LCOR: variants seen among roughly 807,000 people sequenced by gnomAD.
The protein encoded by LCOR is ligand dependent nuclear receptor corepressor.
Under a neutral mutation model 64.4 loss-of-function variants are expected in LCOR, and 14 were observed. The observed-to-expected ratio is 0.22, with a 90% confidence interval of 0.14 to 0.34. The LOEUF is 0.34. LCOR is among the 10% of genes least tolerant of loss of function. The pLI is 1.00. For missense variants in LCOR, 1,686 were observed against 1,765.3 expected, an observed-to-expected ratio of 0.96 and a Z score of 0.80; for synonymous variants, 643 against 642.5, an observed-to-expected ratio of 1.00 and a Z score of -0.01.
rs67974828 is a variant in LCOR at position 96,849,061 on chromosome 10, C to CTTTT, written c.-330+15609_-330+15612dup. ...TCCTCTCTGTCACCTGGCTAATTGT[C>CTTTT]TTTTTTTTTTTTTTTTTTTTTTTTT... On this transcript the variant is annotated intron_variant, in intron 2 of 7. Transcript: ENST00000421806. 1.2e-3 allele frequency among the ~76,000 whole-genome samples: 40 copies of CTTTT among 33,842 alleles called. 1 individual carries two copies. Among genetic ancestry groups the CTTTT allele is most frequent in the Admixed American group, 1.8e-3 (3 of 1,686 alleles). The allele number at this position is 33,842 out of a possible 152,430, so 22.2% of individuals were successfully genotyped here. A position where few individuals can be genotyped will look rare whatever the true frequency, so the allele number is the denominator to read the frequency against.
chr10:96,892,113 C>T (rs560834755), intron 2 of LCOR, among the ~76,000 whole-genome samples: 58 of 152,020 alleles, frequency 3.8e-4, no homozygotes, highest in Non-Finnish European at 3.2e-4. Flanking sequence ...GGTCTAGTTG[C>T]CTAACGGTGT....
rs1330348530 is a variant in LCOR at position 96,924,534 on chromosome 10, G to A, written c.-184+16787G>A. Among the ~76,000 whole-genome samples the A allele has an allele frequency of 2.6e-5, 4 of 151,800 alleles. No individual in the cohort carries two copies. In the East Asian group the frequency reaches 7.7e-4, roughly 29 times the overall value. ...TGGGATTATAGATGTGAGCTACTGC[G>A]CCCAGCCACATTAAAAAATTTTTTA... On this transcript the variant is annotated intron_variant, in intron 4 of 7. Coordinates refer to ENST00000421806, the MANE Select transcript of LCOR (RefSeq NM_001346516.2).
At chr10:96,911,861 A>G (rs1846842551) in intron 4 of LCOR, among the ~76,000 whole-genome samples, 1 of 152,206 alleles carries the variant, frequency 6.6e-6, no homozygotes, top group African/African-American at 2.4e-5. Context: ...GGAAAATTAT[A>G]ATAGCTGTTT....
intron 2 of LCOR, among the ~76,000 whole-genome samples, chr10:96,849,926 G>C (rs933977662): frequency 6.9e-6 from 1 of 144,796 alleles, no homozygotes; most frequent in Non-Finnish European, 1.5e-5. Context: ...GGAATTGTCA[G>C]AAAGTCCTGC....
chr10:96,849,597 G>A (rs754337114), intron 2 of LCOR, among the ~76,000 whole-genome samples: 5 of 152,140 alleles, frequency 3.3e-5, no homozygotes, highest in African/African-American at 4.8e-5. Flanking sequence ...ACCATAAGTG[G>A]ATAATTACAC....
intron 2 of LCOR, among the ~76,000 whole-genome samples, chr10:96,840,086 C>G (rs887932376): frequency 3.3e-5 from 5 of 152,172 alleles, no homozygotes; most frequent in Admixed American, 6.6e-5. Flanking sequence ...TAGGTTTGGT[C>G]TGTTACAAAG....
intron 2 of LCOR, among the ~76,000 whole-genome samples, chr10:96,856,281 CTCGAAA>C (rs1845802977): frequency 6.6e-6 from 1 of 152,174 alleles, no homozygotes; most frequent in Admixed American, 6.5e-5. Flanking sequence ...CCAGGCTGGT[CTCGAAA>C]TCCTGACCTT....
intron 2 of LCOR, among the ~76,000 whole-genome samples, chr10:96,878,039 G>T (rs1460362086): frequency 1.3e-5 from 2 of 151,884 alleles, no homozygotes; most frequent in Non-Finnish European, 2.9e-5. Flanking sequence ...ATGAGAGAGA[G>T]TACTATTTTG....
intron 2 of LCOR, among the ~76,000 whole-genome samples, chr10:96,846,015 T>G (rs113773152): frequency 0.036 from 5,549 of 152,100 alleles, 138 homozygotes; most frequent in Non-Finnish European, 0.045. Context: ...GAGACCAGCC[T>G]GGCCAACATG....
chr10:96,919,176 AG>A (rs1195667430), intron 4 of LCOR, among the ~76,000 whole-genome samples: 1 of 152,216 alleles, frequency 6.6e-6, no homozygotes, highest in East Asian at 1.9e-4. Flanking sequence ...GGAGATTCTT[AG>A]AATTAATCAG....
intron 4 of LCOR, among the ~76,000 whole-genome samples, chr10:96,934,498 C>A (rs1847314509): frequency 6.6e-6 from 1 of 152,166 alleles, no homozygotes; most frequent in South Asian, 2.1e-4. Context: ...ATAACAGAGC[C>A]ACTTCTGCCT....
chr10:96,956,094 T>A (rs1392344492), intron 7 of LCOR: 1 of 1,427,446 alleles, frequency 7.0e-7, no homozygotes, highest in Admixed American at 2.9e-5. Flanking sequence ...TTGCATATTT[T>A]AAATTTTTCA....
chr10:96,858,336 G>T (rs1299865513), intron 2 of LCOR, among the ~76,000 whole-genome samples: 2 of 152,212 alleles, frequency 1.3e-5, no homozygotes, highest in Non-Finnish European at 2.9e-5. Context: ...AATGGATTAA[G>T]TAAAGGTCTG....
chr10:96,904,656 T>C (rs1405635855), intron 2 of LCOR, among the ~76,000 whole-genome samples: 1 of 152,246 alleles, frequency 6.6e-6, no homozygotes, highest in Non-Finnish European at 1.5e-5. Flanking sequence ...AAAGGTAGTT[T>C]TTAAGCCTTA....
chr10:96,914,491 C>T (rs1846903654), intron 4 of LCOR, among the ~76,000 whole-genome samples: 1 of 152,258 alleles, frequency 6.6e-6, no homozygotes. Context: ...GCCACCGCGC[C>T]TGGCCTTTAT....
chr10:96,850,171 A>G (rs1037150047), intron 2 of LCOR, among the ~76,000 whole-genome samples: 4 of 152,206 alleles, frequency 2.6e-5, no homozygotes, highest in Non-Finnish European at 5.9e-5. Flanking sequence ...ATGAAGCTGA[A>G]AATGACCTTG....
At chr10:96,854,546 C>T (rs568045776) in intron 2 of LCOR, among the ~76,000 whole-genome samples, 6 of 152,208 alleles carry the variant, frequency 3.9e-5, no homozygotes, top group Admixed American at 1.3e-4. Flanking sequence ...AGGCTGGTCT[C>T]GAGCTCCTGA....
chr10:96,952,256 T>C (rs1847694313), intron 7 of LCOR, 60 bp downstream of exon 7: 1 of 1,139,812 alleles, frequency 8.8e-7, no homozygotes. Context: ...CAAAGGTTGA[T>C]GCCAGTCTCC....
chr10:96,832,630 G>T (rs1845359351), intron 1 of LCOR, among the ~76,000 whole-genome samples: 1 of 149,156 alleles, frequency 6.7e-6, no homozygotes, highest in South Asian at 2.1e-4. Flanking sequence ...CGCCTCCCCG[G>T]GGCTGGCTCT....
Sources: allele counts gnomAD v4.1 joint callset (sites outside exome capture counted in the v4.1 genomes callset), GRCh38; gene constraint gnomAD v4.1.1; transcripts MANE v1.5; gene names NCBI Gene and HGNC (gene_info 2026-07-23, HGNC 2026-07-21).